Variants in FGF14 observed in about 807,000 individuals in gnomAD.
FGF14 encodes fibroblast growth factor homologous factor 4.
FGF14 carries 5 observed loss-of-function variants against 25.5 expected under a neutral mutation model. That is an observed-to-expected ratio of 0.20 (90% CI 0.10 to 0.41). FGF14 has a LOEUF of 0.41. Ranked by LOEUF, FGF14 falls within the 10% of genes least tolerant of loss-of-function variation. The pLI, the probability that FGF14 is intolerant of heterozygous loss-of-function variation, is 1.00. For synonymous variants in FGF14, 138 were observed against 118.3 expected, an observed-to-expected ratio of 1.17 and a Z score of -1.08; for missense variants, 222 against 320.1, an observed-to-expected ratio of 0.69 and a Z score of 2.34.
At chr13:102,338,214 C>T (rs527972233) in intron 1 of FGF14, among the ~76,000 whole-genome samples, 3 of 152,188 alleles carry the variant, frequency 2.0e-5, no homozygotes, top group South Asian at 4.1e-4. Flanking sequence ...ACATGATTAC[C>T]CATTGTTCCT....
intron 1 of FGF14, among the ~76,000 whole-genome samples, chr13:102,063,833 G>T (rs2042789355): frequency 6.6e-6 from 1 of 151,896 alleles, no homozygotes; most frequent in South Asian, 2.1e-4. Context: ...AAAAGCAAGA[G>T]AATCAACTAA....
At chr13:101,995,877 G>T (rs1052999486) in intron 1 of FGF14, among the ~76,000 whole-genome samples, 1 of 152,210 alleles carries the variant, frequency 6.6e-6, no homozygotes, top group South Asian at 2.1e-4. Flanking sequence ...GTGGGGGGCT[G>T]GGAGTTAGGA....
rs10602468 is a variant in FGF14, at chr13:102,111,777, CAAA to C, written c.209-236484_209-236482del. Among the ~76,000 whole-genome samples the C allele has an allele frequency of 5.8e-4, 80 of 137,732 alleles. 1 individual carries two copies. Among genetic ancestry groups the C allele is most frequent in the East Asian group, 1.4e-3 (7 of 4,918 alleles). The allele number at this position is 137,732 out of a possible 152,430, so 90.4% of individuals were successfully genotyped here. On this transcript the variant is annotated intron_variant, in intron 1 of 4. Coordinates refer to the FGF14 transcript ENST00000376131. ...AGAATTTTGTAGGCCAACCATCAAA[CAAA>C]AAAAAAAAAAACCAAAGCAAAACAA...
At chr13:101,944,297 T>C (rs1481277977) in intron 1 of FGF14, among the ~76,000 whole-genome samples, 2 of 152,186 alleles carry the variant, frequency 1.3e-5, no homozygotes, top group South Asian at 4.1e-4. Context: ...ATTGTAATGT[T>C]TGTCACAGAA....
At chr13:101,919,798 A>G (rs905651179), upstream of FGF14, among the ~76,000 whole-genome samples, 7 of 152,286 alleles carry the variant, frequency 4.6e-5, no homozygotes, top group African/African-American at 1.7e-4. Context: ...ACCGACGTTA[A>G]TAACACCTTG....
At chr13:102,168,972 G>C (rs1373262065) in intron 1 of FGF14, among the ~76,000 whole-genome samples, 3 of 151,616 alleles carry the variant, frequency 2.0e-5, no homozygotes, top group African/African-American at 7.3e-5. Context: ...AGCACAGTTA[G>C]ATGCTAAATT....
chr13:102,166,228 A>T (rs1416807940), intron 1 of FGF14, among the ~76,000 whole-genome samples: 1 of 151,872 alleles, frequency 6.6e-6, no homozygotes, highest in Non-Finnish European at 1.5e-5. Context: ...CTATTCTCAT[A>T]ATTTGTGAAG....
chr13:102,148,713 C>T (rs1031941008), intron 1 of FGF14, among the ~76,000 whole-genome samples: 1 of 152,052 alleles, frequency 6.6e-6, no homozygotes, highest in Non-Finnish European at 1.5e-5. Context: ...GGAGCTTGAA[C>T]CCAGGAGGTG....
At chr13:102,316,000 C>T (rs2056003617) in intron 1 of FGF14, among the ~76,000 whole-genome samples, 1 of 152,222 alleles carries the variant, frequency 6.6e-6, no homozygotes, top group Non-Finnish European at 1.5e-5. Context: ...CTATGCAATC[C>T]CACAGCTACA....
At chr13:102,089,253 G>T (rs73576739) in intron 1 of FGF14, among the ~76,000 whole-genome samples, 6,884 of 152,204 alleles carry the variant, frequency 0.045, 495 homozygotes, top group African/African-American at 0.16. Context: ...CTGAGGTCAA[G>T]GAGAAATTGT....
At chr13:101,947,187 T>C (rs1204969287) in intron 1 of FGF14, among the ~76,000 whole-genome samples, 1 of 152,132 alleles carries the variant, frequency 6.6e-6, no homozygotes. Flanking sequence ...AAATAACAGA[T>C]GTTGGCGAGG....
chr13:102,141,435 G>A (rs2046639967), intron 1 of FGF14, among the ~76,000 whole-genome samples: 1 of 152,204 alleles, frequency 6.6e-6, no homozygotes, highest in African/African-American at 2.4e-5. Context: ...ACAAGAAACA[G>A]TTTATGAACG....
At position 102,249,549 on chromosome 13, in the gene FGF14, G is replaced by GGTGTGTGT. The variant is rs55773652; in HGVS notation, c.208+151914_208+151921dup. Among the ~76,000 whole-genome samples, 622 of 150,398 alleles carry GGTGTGTGT rather than the reference G, an allele frequency of 4.1e-3. 6 individuals carry two copies. Among genetic ancestry groups the GGTGTGTGT allele is most frequent in the African/African-American group, 0.014 (571 of 40,992 alleles). Reference sequence around the variant, plus strand: ...AGAATTATGGTATGGTACTGAGAGGGGTGTGTGTGTGTGTGTGTGTGTGTG... The same window carrying GGTGTGTGT: ...AGAATTATGGTATGGTACTGAGAGGGGTGTGTGTGTGTGTGTGTGTGTGTGTGTGTGTG... On this transcript the variant is annotated intron_variant, in intron 1 of 4. Coordinates refer to the FGF14 transcript ENST00000376131.
intron 1 of FGF14, among the ~76,000 whole-genome samples, chr13:102,034,178 C>G (rs1163231013): frequency 6.6e-6 from 1 of 152,102 alleles, no homozygotes; most frequent in African/African-American, 2.4e-5. Context: ...TCCCTAGAGA[C>G]TGTACCCTCC....
At chr13:101,797,235 T>C (rs371700862) in intron 3 of FGF14, among the ~76,000 whole-genome samples, 2 of 152,126 alleles carry the variant, frequency 1.3e-5, no homozygotes. Flanking sequence ...ATGCTTCTGG[T>C]TTTTCCTTCT....
At chr13:102,319,822 T>C (rs1467230676) in intron 1 of FGF14, among the ~76,000 whole-genome samples, 2 of 152,182 alleles carry the variant, frequency 1.3e-5, no homozygotes, top group African/African-American at 4.8e-5. Context: ...TGATGAAATA[T>C]ATAATAGAGA....
intron 1 of FGF14, among the ~76,000 whole-genome samples, chr13:102,146,680 T>C (rs1475999335): frequency 3.9e-5 from 6 of 152,158 alleles, no homozygotes; most frequent in Non-Finnish European, 7.4e-5. Context: ...GCCACCACTC[T>C]TTCAACTACA....
chr13:101,897,936 C>T (rs1324017351), intron 1 of FGF14, among the ~76,000 whole-genome samples: 1 of 151,726 alleles, frequency 6.6e-6, no homozygotes, highest in South Asian at 2.1e-4. Flanking sequence ...ACTCTGTTGC[C>T]CAGGCTGGAG....
At chr13:102,188,531 G>C (rs1399107872) in intron 1 of FGF14, among the ~76,000 whole-genome samples, 2 of 152,116 alleles carry the variant, frequency 1.3e-5, no homozygotes, top group East Asian at 1.9e-4. Flanking sequence ...TTTTTGTTTT[G>C]AGAATTAAAT....
Sources: gnomAD v4.1 joint callset for allele counts (sites outside exome capture counted in the v4.1 genomes callset) on GRCh38, gnomAD v4.1.1 for gene constraint, MANE v1.5 for transcripts, NCBI Gene and HGNC (gene_info 2026-07-23, HGNC 2026-07-21) for gene names.